NMBR: variants seen among roughly 807,000 people sequenced by gnomAD.
The protein encoded by NMBR is neuromedin B receptor, also known as neuromedin-B receptor.
Under a neutral mutation model 20.5 loss-of-function variants are expected in NMBR, and 16 were observed. The ratio of observed to expected loss-of-function variants is 0.78; its 90% confidence interval spans 0.53 to 1.19. The LOEUF is 1.19. Ranked by LOEUF, NMBR falls within the 50% of genes most tolerant of loss-of-function variation. NMBR has a pLI of 0.00. For missense variants in NMBR, 582 were observed against 499.1 expected (o/e 1.17, Z -1.58); for synonymous variants, 212 against 196.6 (o/e 1.08, Z -0.65).
At chr6:142,077,333 A>AC (rs1286503432) in intron 3 of NMBR, among the ~76,000 whole-genome samples, 3 of 152,228 alleles carry the variant, frequency 2.0e-5, no homozygotes, top group African/African-American at 7.2e-5. Context: ...AAGTGAAGCA[A>AC]GGGCTCTGTA....
At chr6:142,096,130 G>C (rs1303125025) in intron 1 of NMBR, among the ~76,000 whole-genome samples, 1 of 151,904 alleles carries the variant, frequency 6.6e-6, no homozygotes, top group African/African-American at 2.4e-5. Flanking sequence ...TTTTTTGAAG[G>C]GTTTTTTGTG....
Position 142,132,998 on chromosome 6 carries a change from G to T in NMBR, c.-664+14046C>A, listed in dbSNP as rs899832577. On this transcript the variant is annotated intron_variant, in intron 1 of 3. Coordinates refer to ENST00000258042, the MANE Select transcript of NMBR (RefSeq NM_002511.4). ...TAGGAAGGTTGAATGGGGCCCCAGA[G>T]ATCTAAGAGTAAAGGAGGAGGGGAG... The T allele has an allele frequency of 1.3e-4, 58 of 454,984 alleles. No individual in the cohort carries two copies. In the Admixed American group the frequency reaches 2.1e-3, roughly 16 times the overall value. 28.2% of individuals were successfully genotyped at this position (454,984 alleles called of 1,614,324 possible).
At chr6:142,111,475 AT>A (rs1450540935) in intron 1 of NMBR, among the ~76,000 whole-genome samples, 1 of 152,182 alleles carries the variant, frequency 6.6e-6, no homozygotes, top group African/African-American at 2.4e-5. Flanking sequence ...ATTTCTCGGA[AT>A]TTTCCAATTA....
At chr6:142,127,141 T>G (rs1778054985) in intron 1 of NMBR, among the ~76,000 whole-genome samples, 1 of 151,992 alleles carries the variant, frequency 6.6e-6, no homozygotes, top group South Asian at 2.1e-4. Context: ...ACTTAAAACT[T>G]TAATTGATTT....
chr6:142,081,055 A>G (rs1777083300), intron 2 of NMBR, among the ~76,000 whole-genome samples: 2 of 152,346 alleles, frequency 1.3e-5, no homozygotes, highest in East Asian at 3.9e-4. Flanking sequence ...AATCTAAGAT[A>G]AAGACATTGA....
chr6:142,134,170 T>A (rs954565643), intron 1 of NMBR: 2 of 496,276 alleles, frequency 4.0e-6, no homozygotes, highest in African/African-American at 1.9e-5. Context: ...TTTCTTTAAT[T>A]AGCTGTATAT....
At chr6:142,120,068 C>G (rs938363609) in intron 1 of NMBR, among the ~76,000 whole-genome samples, 1 of 151,858 alleles carries the variant, frequency 6.6e-6, no homozygotes, top group South Asian at 2.1e-4. Context: ...GGTCCTATAT[C>G]CAATGATCTT....
intron 1 of NMBR, among the ~76,000 whole-genome samples, chr6:142,127,025 T>G (rs1007429468): frequency 6.6e-6 from 1 of 151,844 alleles, no homozygotes; most frequent in African/African-American, 2.4e-5. Flanking sequence ...TTTTTGTTTT[T>G]GTTGTCTGGC....
chr6:142,076,239 T>C (rs1582832219), intron 3 of NMBR, among the ~76,000 whole-genome samples, 190 bp from the exon 4 acceptor site: 1 of 152,332 alleles, frequency 6.6e-6, no homozygotes. Flanking sequence ...GGTCTCTACA[T>C]TATTTGCATT....
chr6:142,136,527 T>A (rs1202692337), intron 1 of NMBR, among the ~76,000 whole-genome samples: 1 of 152,150 alleles, frequency 6.6e-6, no homozygotes, highest in Non-Finnish European at 1.5e-5. Context: ...ATTTTGGCTT[T>A]TGTTGCCATT....
intron 1 of NMBR, among the ~76,000 whole-genome samples, chr6:142,132,024 C>T (rs1778151912): frequency 6.6e-6 from 1 of 152,174 alleles, no homozygotes; most frequent in African/African-American, 2.4e-5. Context: ...ACAAATATCT[C>T]TTATCTAACC....
chr6:142,122,401 T>A (rs998741303), intron 1 of NMBR, among the ~76,000 whole-genome samples: 7 of 151,944 alleles, frequency 4.6e-5, no homozygotes, highest in Non-Finnish European at 1.0e-4. Flanking sequence ...CACCATACCA[T>A]ATCATCATAC....
intron 2 of NMBR, 131 bp from the exon 3 acceptor site, chr6:142,079,034 A>AAGAG (rs1777024635): frequency 3.9e-6 from 2 of 519,424 alleles, no homozygotes; most frequent in South Asian, 9.0e-5. Context: ...GAGAGAAAGA[A>AAGAG]AGAAAGAGAG....
intron 1 of NMBR, among the ~76,000 whole-genome samples, chr6:142,096,113 TC>T: frequency 6.6e-6 from 1 of 152,310 alleles, no homozygotes; most frequent in East Asian, 1.9e-4. Flanking sequence ...GCTCCTGGAT[TC>T]ATTGATTTTT....
At chr6:142,091,160 G>A (rs1226097448) in intron 1 of NMBR, among the ~76,000 whole-genome samples, 2 of 152,104 alleles carry the variant, frequency 1.3e-5, no homozygotes, top group Non-Finnish European at 2.9e-5. Context: ...TAAGAACACA[G>A]TATTGTCTCA....
chr6:142,093,563 T>G (rs1056892275), intron 1 of NMBR, among the ~76,000 whole-genome samples: 5 of 152,068 alleles, frequency 3.3e-5, no homozygotes, highest in Non-Finnish European at 7.4e-5. Flanking sequence ...TGTTGGACAT[T>G]TGGGTTGGTT....
intron 1 of NMBR, among the ~76,000 whole-genome samples, chr6:142,121,395 C>G (rs566086121): frequency 2.0e-4 from 30 of 151,902 alleles, no homozygotes; most frequent in Admixed American, 1.5e-3. Context: ...AAAGCATGAC[C>G]AAAGCCAAGA....
At chr6:142,102,064 T>G (rs1246337985) in intron 1 of NMBR, among the ~76,000 whole-genome samples, 1 of 152,040 alleles carries the variant, frequency 6.6e-6, no homozygotes, top group Non-Finnish European at 1.5e-5. Context: ...CCAAACCAAC[T>G]ACAATCAAAC....
chr6:142,078,962 AAAAG>A, intron 2 of NMBR, 59 bp from the exon 3 acceptor site: 2 of 1,241,938 alleles, frequency 1.6e-6, no homozygotes, highest in Non-Finnish European at 2.2e-6. Flanking sequence ...AAAGAGAAAG[AAAAG>A]AAAGAAAGAA....
Sources: gnomAD v4.1 joint callset for allele counts (sites outside exome capture counted in the v4.1 genomes callset) on GRCh38, gnomAD v4.1.1 for gene constraint, MANE v1.5 for transcripts, NCBI Gene and HGNC (gene_info 2026-07-23, HGNC 2026-07-21) for gene names.